Variants in ARHGAP8 observed in about 807,000 individuals in gnomAD.
ARHGAP8 encodes the protein rho GTPase-activating protein 8.
ARHGAP8 carries 62 observed loss-of-function variants against 46.1 expected under a neutral mutation model. That is an observed-to-expected ratio of 1.34 (90% CI 1.10 to 1.66). ARHGAP8 has a LOEUF of 1.66. Among genes scored for constraint, ARHGAP8 ranks in the 40% most tolerant of loss-of-function variants. ARHGAP8 has a pLI of 0.00. For synonymous variants in ARHGAP8, 375 were observed against 243.1 expected (o/e 1.54, Z -5.05); for missense variants, 923 against 568.4 (o/e 1.62, Z -6.34).
intron 4 of ARHGAP8, among the ~76,000 whole-genome samples, chr22:44,810,625 C>G (rs866999216): frequency 6.6e-6 from 1 of 152,154 alleles, no homozygotes; most frequent in Admixed American, 6.5e-5. Context: ...CTGGCGTAAT[C>G]AGGAAGGCTG....
chr22:44,859,741 C>G lies in ARHGAP8; in HGVS notation c.888C>G (p.Ser296Arg), dbSNP rs570797756. The change falls in exon 11 of 12, where the codon AGC (serine) becomes AGG (arginine). Residue 296 changes from serine to arginine, a missense_variant. Transcript: ENST00000356099. The stretch of plus-strand genomic sequence containing the variant: ...CCCATGCCCTTCCAGGTGTGGAGAG[C>G]AGCCTGCGTGTCACTGGCTGCCGCC... ...EQILGITCVESSLRVTGCRQI... is the reference protein window; with the variant it reads ...EQILGITCVERSLRVTGCRQI... The G allele has an allele frequency of 4.3e-6, 7 of 1,613,688 alleles. No homozygotes were observed. The Admixed American group carries it at 5.0e-5, about 12-fold the overall frequency.
intron 8 of ARHGAP8, among the ~76,000 whole-genome samples, chr22:44,846,611 C>T (rs2069963098): frequency 6.6e-6 from 1 of 152,188 alleles, no homozygotes; most frequent in Admixed American, 6.5e-5. Flanking sequence ...CTGGACTGCC[C>T]CTCCTTGCCC....
chr22:44,822,119 G>A (rs1930194684), intron 5 of ARHGAP8, among the ~76,000 whole-genome samples: 1 of 152,212 alleles, frequency 6.6e-6, no homozygotes, highest in Non-Finnish European at 1.5e-5. Flanking sequence ...TAAATTGGAG[G>A]CAGATATTTA....
At chr22:44,781,557 C>T (rs1926846952) in intron 1 of ARHGAP8, among the ~76,000 whole-genome samples, 1 of 152,176 alleles carries the variant, frequency 6.6e-6, no homozygotes, top group Admixed American at 6.5e-5. Flanking sequence ...GAGTTTCACT[C>T]TTGTTGCCCA....
At chr22:44,796,190 T>A (rs1454736043) in intron 2 of ARHGAP8, among the ~76,000 whole-genome samples, 1 of 152,136 alleles carries the variant, frequency 6.6e-6, no homozygotes, top group African/African-American at 2.4e-5. Flanking sequence ...CAGACGCTGT[T>A]CTGCTCCCGG....
intron 10 of ARHGAP8, chr22:44,849,478 A>G (rs985990891): frequency 8.6e-6 from 2 of 233,092 alleles, no homozygotes; most frequent in South Asian, 6.5e-5. Flanking sequence ...AGCATATATC[A>G]CAGGAACTGA....
Position 44,860,414 on chromosome 22 carries a change from A to C in ARHGAP8, c.981+580A>C, listed in dbSNP as rs189278217. Among the ~76,000 whole-genome samples, 336 of 151,718 alleles carry C rather than the reference A, an allele frequency of 2.2e-3. 1 individual carries two copies. Among genetic ancestry groups the C allele is most frequent in the African/African-American group, 7.8e-3 (321 of 41,246 alleles). ...TCCTGGTCACTCCAGCTATGCCTCC[A>C]GCTCCCCCCTGGCCTTTGTCTGTGT... On this transcript the variant is annotated intron_variant, in intron 11 of 11. Coordinates refer to ENST00000356099, the MANE Select transcript of ARHGAP8 (RefSeq NM_181335.3).
chr22:44,844,340 A>G (rs1350615089), intron 7 of ARHGAP8, among the ~76,000 whole-genome samples: 1 of 152,230 alleles, frequency 6.6e-6, no homozygotes, highest in African/African-American at 2.4e-5. Context: ...TAAAGTCAAG[A>G]AAAGAGGAAA....
At chr22:44,830,015 CCT>C (rs571105538) in intron 7 of ARHGAP8, among the ~76,000 whole-genome samples, 1 of 115,820 alleles carries the variant, frequency 8.6e-6, no homozygotes, top group South Asian at 3.3e-4. Flanking sequence ...TCTTTTTTTT[CCT>C]CTCTCTCTTT....
intron 1 of ARHGAP8, among the ~76,000 whole-genome samples, chr22:44,754,543 G>A (rs541624347): frequency 3.0e-4 from 45 of 152,130 alleles, no homozygotes; most frequent in African/African-American, 1.1e-3. Context: ...TTTAGTAGAA[G>A]TGGGGTTTCA....
At position 44,862,414 on chromosome 22, in the gene ARHGAP8, T is replaced by C. The variant is rs903361095; in HGVS notation, c.1121T>C (p.Ile374Thr). The part of the protein sequence containing the change: ...VPLNMFTELL[I>T]EYYEKIFSTP... ...CTGAACATGTTCACTGAACTGCTGA[T>C]CGAGTACTATGAAAAGATCTTCAGC... The change falls in exon 12 of 12, where the codon ATC becomes ACC. Residue 374 changes from isoleucine to threonine, a missense_variant. Transcript: ENST00000356099. The C allele has an allele frequency of 2.5e-6, 4 of 1,614,100 alleles. No individual in the cohort carries two copies. The South Asian group carries it at 3.3e-5, about 13-fold the overall frequency.
chr22:44,765,141 A>T (rs1925451893), intron 1 of ARHGAP8: 1 of 152,122 alleles, frequency 6.6e-6, no homozygotes, highest in South Asian at 2.1e-4. Context: ...CCCTGGGGCC[A>T]CAGCTGGCCC....
intron 2 of ARHGAP8, 42 bp downstream of exon 2, chr22:44,786,648 C>T (rs1300377810): frequency 2.4e-5 from 38 of 1,582,500 alleles, no homozygotes; most frequent in Non-Finnish European, 3.0e-5. Flanking sequence ...ATGGGCAGAG[C>T]AGCCTTCCTC....
chr22:44,817,109 C>T (rs866037408), intron 5 of ARHGAP8, among the ~76,000 whole-genome samples: 1 of 151,044 alleles, frequency 6.6e-6, no homozygotes, highest in Non-Finnish European at 1.5e-5. Context: ...TGGTCTCAAG[C>T]TCCTGACCTC....
chr22:44,858,113 G>C (rs1458952689), intron 10 of ARHGAP8, among the ~76,000 whole-genome samples: 2 of 152,226 alleles, frequency 1.3e-5, no homozygotes, highest in African/African-American at 2.4e-5. Flanking sequence ...TTGATTTCAT[G>C]GAATAATGGC....
chr22:44,848,088 G>C (rs1250431463), intron 9 of ARHGAP8, 38 bp downstream of exon 9: 6 of 1,600,760 alleles, frequency 3.7e-6, no homozygotes, highest in Non-Finnish European at 5.1e-6. Context: ...CGAGCTGCCT[G>C]GTCAGCGAGC....
At chr22:44,796,993 C>T (rs945534318) in intron 2 of ARHGAP8, among the ~76,000 whole-genome samples, 2 of 152,168 alleles carry the variant, frequency 1.3e-5, no homozygotes, top group South Asian at 2.1e-4. Flanking sequence ...AGGGCTCCCA[C>T]GGTTCTTGTG....
intron 2 of ARHGAP8, among the ~76,000 whole-genome samples, chr22:44,799,905 G>C (rs35546492): frequency 0.27 from 40,596 of 151,496 alleles, 6,255 homozygotes; most frequent in East Asian, 0.44. Context: ...GGGGTCCTCT[G>C]TCTCAGGGCC....
At chr22:44,838,627 C>A (rs540191358) in intron 7 of ARHGAP8, among the ~76,000 whole-genome samples, 116 of 152,280 alleles carry the variant, frequency 7.6e-4, no homozygotes, top group Non-Finnish European at 1.5e-3. Flanking sequence ...GCAAAGGGGT[C>A]TTTCAGGAAC....
Sources: gnomAD v4.1 joint callset for allele counts (sites outside exome capture counted in the v4.1 genomes callset) on GRCh38, gnomAD v4.1.1 for gene constraint, MANE v1.5 for transcripts, NCBI Gene and HGNC (gene_info 2026-07-23, HGNC 2026-07-21) for gene names.